Variants in GTF2E1 observed in about 807,000 individuals in gnomAD.
The protein encoded by GTF2E1 is general transcription factor IIE subunit 1.
GTF2E1 carries 14 observed loss-of-function variants against 34.9 expected under a neutral mutation model. The observed-to-expected ratio is 0.40, with a 90% confidence interval of 0.27 to 0.63. GTF2E1 has a LOEUF of 0.63. Among genes scored for constraint, GTF2E1 ranks in the 20% least tolerant of loss-of-function variants. The pLI is 0.39. For missense variants in GTF2E1, 469 were observed against 557.7 expected (o/e 0.84, Z 1.60); for synonymous variants, 188 against 192.9 (o/e 0.97, Z 0.21).
At position 120,758,118 on chromosome 3, in the gene GTF2E1, C is replaced by T. The variant is rs148121437; in HGVS notation, c.448+7118C>T. On this transcript the variant is annotated intron_variant, in intron 2 of 4. Transcript: ENST00000283875. ...GAGGTTGCAGTGAGCCAAGATCACG[C>T]CACTGCCAGCCTGGGCAACAGAGCG... is the stretch of plus-strand genomic sequence containing the variant. Among the ~76,000 whole-genome samples the T allele has an allele frequency of 8.9e-4, 135 of 152,176 alleles. No homozygotes were observed. The East Asian group carries it at 0.017, about 19-fold the overall frequency.
chr3:120,757,780 T>C lies in GTF2E1; in HGVS notation c.448+6780T>C, dbSNP rs144931110. ...GCTTTCAGAAAAGCCCAGGAATGAC[T>C]GTATAGCTTCTGCATATTGATTAAG... On this transcript the variant is annotated intron_variant, in intron 2 of 4. Transcript: ENST00000283875. 4.8e-3 allele frequency among the ~76,000 whole-genome samples: 734 copies of C among 152,372 alleles called. 5 individuals are homozygous for C. The highest frequency in any genetic ancestry group is 0.017 in the African/African-American group (687 of 41,592).
chr3:120,776,066 A>G, intron 3 of GTF2E1, among the ~76,000 whole-genome samples: 1 of 152,092 alleles, frequency 6.6e-6, no homozygotes, highest in Non-Finnish European at 1.5e-5. Flanking sequence ...ACTGGGAGAG[A>G]TTTTTGTCAG....
intron 3 of GTF2E1, among the ~76,000 whole-genome samples, chr3:120,772,758 C>T (rs1377290389): frequency 3.3e-5 from 5 of 152,110 alleles, no homozygotes; most frequent in Admixed American, 2.6e-4. Flanking sequence ...TATCAAGATG[C>T]TTCCCCACTA....
At chr3:120,765,136 C>T (rs1709296854) in intron 2 of GTF2E1, among the ~76,000 whole-genome samples, 1 of 151,502 alleles carries the variant, frequency 6.6e-6, no homozygotes, top group Non-Finnish European at 1.5e-5. Context: ...TCTTCTGCCA[C>T]TGTCCCCCTC....
intron 2 of GTF2E1, among the ~76,000 whole-genome samples, chr3:120,753,204 ATTCT>A (rs1417349679): frequency 1.3e-5 from 2 of 150,994 alleles, no homozygotes; most frequent in Admixed American, 1.3e-4. Context: ...TTTCTCTATT[ATTCT>A]TTCTTGTTTT....
At chr3:120,761,553 C>T (rs1709263390) in intron 2 of GTF2E1, among the ~76,000 whole-genome samples, 1 of 152,098 alleles carries the variant, frequency 6.6e-6, no homozygotes, top group Admixed American at 6.5e-5. Flanking sequence ...CTCTTGTGGG[C>T]ATTTAGTGCT....
chr3:120,773,704 G>A (rs1366504290), intron 3 of GTF2E1, among the ~76,000 whole-genome samples: 2 of 152,030 alleles, frequency 1.3e-5, no homozygotes, highest in Admixed American at 6.6e-5. Flanking sequence ...CTGAGTAAGA[G>A]TTGTATCTTT....
At chr3:120,747,142 TG>T (rs1420356405) in intron 1 of GTF2E1, among the ~76,000 whole-genome samples, 1 of 151,920 alleles carries the variant, frequency 6.6e-6, no homozygotes, top group Non-Finnish European at 1.5e-5. Context: ...TCGCTCTTGT[TG>T]CCCAGGCTGG....
At chr3:120,770,658 G>A in intron 2 of GTF2E1, 70 bp from the exon 3 acceptor site, 2 of 1,041,686 alleles carry the variant, frequency 1.9e-6, no homozygotes, top group Admixed American at 3.5e-5. Flanking sequence ...TAAGATATTG[G>A]GGGAGGGTGG....
At position 120,742,782 on chromosome 3, in the gene GTF2E1, A is replaced by G. The variant is rs1709067095; in HGVS notation, c.-43A>G. 9.9e-6 allele frequency: 5 copies of G among 507,576 alleles called. No individual in the cohort carries two copies. In the South Asian group the frequency reaches 1.0e-4, roughly 11 times the overall value. The allele number at this position is 507,576 out of a possible 1,614,324, so 31.4% of individuals were successfully genotyped here. On this transcript the variant is annotated 5_prime_UTR_variant, in exon 1 of 5. Transcript: ENST00000283875. ...GGGGCAGCTGTAGTGGGAGTGTTCCAGGATTCGCCTTGGTAAACCTTGTTC... is the reference window on the plus strand; with the variant it reads ...GGGGCAGCTGTAGTGGGAGTGTTCCGGGATTCGCCTTGGTAAACCTTGTTC...
intron 1 of GTF2E1, among the ~76,000 whole-genome samples, chr3:120,745,626 G>T (rs1256553869): frequency 1.3e-5 from 2 of 152,154 alleles, no homozygotes; most frequent in Admixed American, 1.3e-4. Flanking sequence ...TATTAGTCTG[G>T]GGCATGGCAT....
chr3:120,750,726 A>T lies in GTF2E1; in HGVS notation c.174A>T (p.Gln58His), dbSNP rs923536994. 4 of 1,613,904 alleles carry T rather than the reference A, an allele frequency of 2.5e-6. No individual in the cohort carries two copies. The highest frequency in any genetic ancestry group is 1.3e-5 in the African/African-American group (1 of 74,902). ...MLELLKFDRK[Q>H]LRSVLNNLKG... ...AGCTGCTCAAGTTTGATCGGAAGCA[A>T]CTTCGATCAGTTTTGAATAATTTAA... Residue 58 changes from glutamine (Q) to histidine (H), a missense_variant, in exon 2 of 5, where the codon CAA becomes CAT. Physicochemically the swap from Gln to His is conservative, Grantham distance 24. Coordinates refer to ENST00000283875, the MANE Select transcript of GTF2E1 (RefSeq NM_005513.3).
intron 2 of GTF2E1, among the ~76,000 whole-genome samples, chr3:120,765,715 A>T (rs1426318430): frequency 3.9e-5 from 6 of 152,230 alleles, no homozygotes; most frequent in African/African-American, 1.4e-4. Flanking sequence ...ATTATTGCAT[A>T]GATTTGCTTC....
At chr3:120,766,665 G>A (rs577835957) in intron 2 of GTF2E1, among the ~76,000 whole-genome samples, 4 of 151,970 alleles carry the variant, frequency 2.6e-5, no homozygotes, top group Admixed American at 6.6e-5. Context: ...AGTGTCCTCA[G>A]CTAGAAGTCA....
chr3:120,763,001 T>G (rs1018324880), intron 2 of GTF2E1, among the ~76,000 whole-genome samples: 21 of 152,300 alleles, frequency 1.4e-4, no homozygotes, highest in African/African-American at 4.1e-4. Context: ...AGTTATAGTA[T>G]TCATATAGAA....
chr3:120,748,506 G>C (rs924443631), intron 1 of GTF2E1, among the ~76,000 whole-genome samples: 13 of 152,294 alleles, frequency 8.5e-5, no homozygotes, highest in Admixed American at 8.5e-4. Flanking sequence ...ATTAAATAGG[G>C]AATCCTTTCC....
chr3:120,754,551 T>C (rs1157513829), intron 2 of GTF2E1, among the ~76,000 whole-genome samples: 3 of 152,146 alleles, frequency 2.0e-5, no homozygotes. Flanking sequence ...CCTTTGTATA[T>C]ATAGCACATT....
intron 2 of GTF2E1, among the ~76,000 whole-genome samples, chr3:120,756,840 C>G (rs1345245541): frequency 1.3e-5 from 2 of 152,156 alleles, no homozygotes; most frequent in Admixed American, 1.3e-4. Flanking sequence ...GCAGGAGAAT[C>G]CTTTGAACCC....
intron 4 of GTF2E1, among the ~76,000 whole-genome samples, chr3:120,778,471 C>G (rs1407414819): frequency 6.6e-6 from 1 of 152,166 alleles, no homozygotes; most frequent in Non-Finnish European, 1.5e-5. Context: ...GTATCGACTT[C>G]AATCATGTTC....
Sources: allele counts gnomAD v4.1 joint callset (sites outside exome capture counted in the v4.1 genomes callset), GRCh38; gene constraint gnomAD v4.1.1; transcripts MANE v1.5; gene names NCBI Gene and HGNC (gene_info 2026-07-23, HGNC 2026-07-21).